Variants in BLK observed in about 807,000 individuals in gnomAD.
The protein encoded by BLK is tyrosine-protein kinase Blk.
In BLK, 64 loss-of-function variants were observed where a neutral mutation model predicts 61.8. The ratio of observed to expected loss-of-function variants is 1.03; its 90% CI spans 0.85 to 1.27. The LOEUF is 1.27. BLK is among the 50% of genes most tolerant of loss of function. The probability of loss-of-function intolerance (pLI) is 0.00; values close to 1 mark genes in which losing one functional copy is unlikely to be tolerated. For synonymous variants in BLK, 351 were observed against 272.0 expected, an observed-to-expected ratio of 1.29 and a Z score of -2.86; for missense variants, 853 against 660.5, an observed-to-expected ratio of 1.29 and a Z score of -3.19.
Position 11,546,073 on chromosome 8 carries a change from C to G in BLK, c.145C>G (p.Pro49Ala). The G allele has an allele frequency of 6.2e-7, 1 of 1,614,182 alleles. No homozygotes were observed. Among genetic ancestry groups the G allele is most frequent in the South Asian group, 1.1e-5 (1 of 91,078 alleles). Residue 49 changes from proline (P) to alanine (A), a missense_variant, in exon 3 of 13, where the codon CCT becomes GCT. By Grantham distance (27) the Pro-to-Ala change is conservative. Coordinates refer to ENST00000259089, the MANE Select transcript of BLK (RefSeq NM_001715.3). ...PPLVVFNHLT[P>A]PPPDEHLDED... ...CAAGGTTGTCTTCAACCACCTTACT[C>G]CTCCACCGCCCGATGAACACCTGGA...
At chr8:11,502,233 G>T (rs1326374125) in intron 1 of BLK, among the ~76,000 whole-genome samples, 1 of 152,078 alleles carries the variant, frequency 6.6e-6, no homozygotes, top group Non-Finnish European at 1.5e-5. Context: ...AATCCATTTA[G>T]TTGTATCTTG....
intron 1 of BLK, among the ~76,000 whole-genome samples, chr8:11,534,670 CT>C (rs796107660): frequency 6.6e-5 from 10 of 152,210 alleles, no homozygotes; most frequent in African/African-American, 2.4e-4. Context: ...GATCTTTTCA[CT>C]TTAAAAAATT....
intron 1 of BLK, among the ~76,000 whole-genome samples, chr8:11,527,408 A>G (rs775672306): frequency 1.3e-5 from 2 of 151,932 alleles, no homozygotes; most frequent in African/African-American, 4.8e-5. Context: ...CATACCCCTT[A>G]TGCTACCTCC....
chr8:11,561,530 C>T (rs1378085894), intron 11 of BLK, 78 bp downstream of exon 11: 1 of 1,545,504 alleles, frequency 6.5e-7, no homozygotes, highest in African/African-American at 1.4e-5. Flanking sequence ...TTAACTTCTC[C>T]CAGCACAGCC....
intron 1 of BLK, among the ~76,000 whole-genome samples, chr8:11,519,296 C>T (rs1799348386): frequency 6.6e-6 from 1 of 152,190 alleles, no homozygotes; most frequent in African/African-American, 2.4e-5. Flanking sequence ...CCAACACTGT[C>T]ACAGCGTTTC....
intron 1 of BLK, among the ~76,000 whole-genome samples, chr8:11,518,198 G>C (rs1471035850): frequency 6.6e-6 from 1 of 152,138 alleles, no homozygotes; most frequent in Non-Finnish European, 1.5e-5. Context: ...TTGGCTTGGC[G>C]GTCTTTCCCC....
intron 1 of BLK, among the ~76,000 whole-genome samples, chr8:11,535,116 T>G (rs1222603663): frequency 6.6e-6 from 1 of 150,796 alleles, no homozygotes; most frequent in African/African-American, 2.4e-5. Flanking sequence ...AGTTCAAGGC[T>G]GCAGTGAGCC....
At chr8:11,509,058 G>C (rs1483767001) in intron 1 of BLK, 2 of 152,200 alleles carry the variant, frequency 1.3e-5, no homozygotes, top group African/African-American at 4.8e-5. Flanking sequence ...TATTACTTAG[G>C]AGGCATCACA....
chr8:11,536,138 T>C (rs1375411905), intron 1 of BLK, among the ~76,000 whole-genome samples: 1 of 152,236 alleles, frequency 6.6e-6, no homozygotes, highest in Non-Finnish European at 1.5e-5. Flanking sequence ...GAAATATTGC[T>C]AGTTTTGTTA....
intron 1 of BLK, among the ~76,000 whole-genome samples, chr8:11,516,344 C>A (rs1726175873): frequency 6.6e-6 from 1 of 152,028 alleles, no homozygotes. Context: ...ACAGTGGAGA[C>A]TTCACAGACC....
At chr8:11,496,258 G>T (rs1209406130) in intron 1 of BLK, among the ~76,000 whole-genome samples, 1 of 152,138 alleles carries the variant, frequency 6.6e-6, no homozygotes, top group Non-Finnish European at 1.5e-5. Context: ...GTTTTTCAGA[G>T]ATGGGGTCTT....
At chr8:11,550,885 G>C (rs944175148) in intron 6 of BLK, among the ~76,000 whole-genome samples, 1 of 152,196 alleles carries the variant, frequency 6.6e-6, no homozygotes, top group South Asian at 2.1e-4. Context: ...CTTGCATGAA[G>C]TATGAATGTG....
At chr8:11,548,527 C>T (rs867404718) in intron 4 of BLK, among the ~76,000 whole-genome samples, 2 of 152,198 alleles carry the variant, frequency 1.3e-5, no homozygotes, top group Admixed American at 6.5e-5. Flanking sequence ...CACACCAATC[C>T]CGCTTTAGCT....
chr8:11,548,965 G>T lies in BLK; in HGVS notation c.270-59G>T. On this transcript the variant is annotated intron_variant, in intron 4 of 12. Coordinates refer to ENST00000259089, the MANE Select transcript of BLK (RefSeq NM_001715.3). ...ATGACTTTGAGGAGGCCTGAGAGCTGCCCAGTGACGGGCCTACAGGGGCCA... is the reference window on the plus strand; with the variant it reads ...ATGACTTTGAGGAGGCCTGAGAGCTTCCCAGTGACGGGCCTACAGGGGCCA... The T allele has an allele frequency of 2.1e-6, 3 of 1,461,504 alleles. No individual in the cohort carries two copies. The Admixed American group carries it at 5.8e-5, about 28-fold the overall frequency. The allele number at this position is 1,461,504 out of a possible 1,614,324, so 90.5% of individuals were successfully genotyped here. A position where few individuals can be genotyped will look rare whatever the true frequency, so the allele number is the denominator to read the frequency against.
intron 1 of BLK, chr8:11,509,161 C>T (rs11784016): frequency 0.25 from 37,374 of 151,830 alleles, 5,179 homozygotes; most frequent in Middle Eastern, 0.33. Flanking sequence ...TTACACCGCA[C>T]GAAAAGTTGG....
Position 11,514,542 on chromosome 8 carries a change from G to T in BLK, c.-2+19951G>T, listed in dbSNP as rs1799148818. On this transcript the variant is annotated intron_variant, in intron 1 of 12. Transcript: ENST00000259089. ...TGAGCAGTGAGGGGAACAGCTGGGA[G>T]AGAGGCTGGGGTACAAGTGACACAG... Among the ~76,000 whole-genome samples the T allele has an allele frequency of 3.3e-5, 5 of 152,356 alleles. No homozygotes were observed. In the South Asian group the frequency reaches 1.0e-3, roughly 32 times the overall value.
At chr8:11,542,377 G>A (rs981793736) in intron 1 of BLK, among the ~76,000 whole-genome samples, 1 of 152,204 alleles carries the variant, frequency 6.6e-6, no homozygotes, top group Non-Finnish European at 1.5e-5. Context: ...GGGGACTTGG[G>A]TGCTTCCTCT....
At chr8:11,504,401 GAAAAGAAAAGAAAAA>G (rs958968980) in intron 1 of BLK, among the ~76,000 whole-genome samples, 19 of 98,582 alleles carry the variant, frequency 1.9e-4, no homozygotes, top group South Asian at 2.9e-4. Flanking sequence ...GAAAAGAAAA[GAAAAGAAAAGAAAAA>G]AAAAAGAAAA....
chr8:11,549,198 G>C, intron 5 of BLK, 76 bp downstream of exon 5: 4 of 1,331,726 alleles, frequency 3.0e-6, no homozygotes, highest in Non-Finnish European at 3.2e-6. Flanking sequence ...AGGCAGGGCA[G>C]GGCCAGAGTG....
Sources: gnomAD v4.1 joint callset for allele counts (sites outside exome capture counted in the v4.1 genomes callset) on GRCh38, gnomAD v4.1.1 for gene constraint, MANE v1.5 for transcripts, NCBI Gene and HGNC (gene_info 2026-07-23, HGNC 2026-07-21) for gene names.